GALNT2: variants seen among roughly 807,000 people sequenced by gnomAD.
The protein encoded by GALNT2 is polypeptide N-acetylgalactosaminyltransferase 2.
A neutral mutation model predicts 81.4 loss-of-function variants in GALNT2; 31 were observed. The observed-to-expected ratio is 0.38, with a 90% CI of 0.29 to 0.51. The LOEUF is 0.51. Among genes scored for constraint, GALNT2 ranks in the 20% least tolerant of loss-of-function variants. The pLI is 0.87. For synonymous variants in GALNT2, 303 were observed against 287.4 expected, an observed-to-expected ratio of 1.05 and a Z score of -0.55; for missense variants, 629 against 765.7, an observed-to-expected ratio of 0.82 and a Z score of 2.11.
intron 3 of GALNT2, among the ~76,000 whole-genome samples, chr1:230,215,128 C>T (rs1425351261): frequency 1.3e-5 from 2 of 152,136 alleles, no homozygotes; most frequent in Non-Finnish European, 2.9e-5. Flanking sequence ...GGTGAGTTTC[C>T]AGTTCTCTTT....
intron 1 of GALNT2, among the ~76,000 whole-genome samples, chr1:230,109,687 G>A (rs1660646247): frequency 6.6e-6 from 1 of 152,202 alleles, no homozygotes; most frequent in Admixed American, 6.5e-5. Flanking sequence ...AATTAGCTGG[G>A]CGTGGTGGCA....
chr1:230,072,091 T>C (rs1659393861), intron 1 of GALNT2, among the ~76,000 whole-genome samples: 1 of 151,896 alleles, frequency 6.6e-6, no homozygotes, highest in Non-Finnish European at 1.5e-5. Flanking sequence ...CCCTAGCTCC[T>C]GTTTGGATGA....
intron 14 of GALNT2, among the ~76,000 whole-genome samples, chr1:230,265,737 T>G (rs1165885516): frequency 1.3e-5 from 2 of 152,220 alleles, no homozygotes; most frequent in African/African-American, 2.4e-5. Context: ...ATATGATGTC[T>G]ACACCTCCTG....
intron 14 of GALNT2, chr1:230,268,556 C>G (rs1342549050): frequency 6.6e-6 from 1 of 152,260 alleles, no homozygotes; most frequent in Non-Finnish European, 1.5e-5. Flanking sequence ...CAGGCCCCGG[C>G]CGAGAGAGTT....
chr1:230,066,745 C>T (rs1040718971), upstream of GALNT2, among the ~76,000 whole-genome samples: 2 of 152,226 alleles, frequency 1.3e-5, no homozygotes, highest in African/African-American at 4.8e-5. Context: ...GGGCAGGAAG[C>T]ACCGAGGCCA....
intron 1 of GALNT2, among the ~76,000 whole-genome samples, chr1:230,058,610 C>A (rs370062103): frequency 6.6e-6 from 1 of 152,108 alleles, no homozygotes; most frequent in Non-Finnish European, 1.5e-5. Flanking sequence ...AGGACTGTTG[C>A]GAAGATTTAA....
chr1:230,248,045 C>A (rs1275094008), intron 8 of GALNT2, among the ~76,000 whole-genome samples: 1 of 152,136 alleles, frequency 6.6e-6, no homozygotes, highest in Non-Finnish European at 1.5e-5. Flanking sequence ...ATTTCTGTCC[C>A]CACTGCCTGG....
chr1:230,152,071 T>G (rs1256062215), intron 1 of GALNT2, among the ~76,000 whole-genome samples: 1 of 152,208 alleles, frequency 6.6e-6, no homozygotes, highest in Admixed American at 6.5e-5. Context: ...GTAGCCTGTC[T>G]TATCAGCAAG....
In GALNT2 at chr1:230,280,785, C is replaced by G. The variant is rs1457897708; in HGVS notation, c.*1327C>G. The G allele has an allele frequency of 2.0e-5, 3 of 152,366 alleles. No individual in the cohort carries two copies. Among genetic ancestry groups the G allele is most frequent in the African/African-American group, 7.2e-5 (3 of 41,466 alleles). The allele number at this position is 152,366 out of a possible 1,614,324, so 9.4% of individuals were successfully genotyped here. A position where few individuals can be genotyped will look rare whatever the true frequency, so the allele number is the denominator to read the frequency against. On this transcript the variant is annotated 3_prime_UTR_variant, in exon 16 of 16. Coordinates refer to ENST00000366672, the MANE Select transcript of GALNT2 (RefSeq NM_004481.5). ...GGAAAGAATTAGGAAGGGTCAGAAC[C>G]AAACAATACCTGCTCATTTACACTG... is the stretch of plus-strand genomic sequence containing the variant.
At chr1:230,090,370 T>G (rs903301363) in intron 1 of GALNT2, among the ~76,000 whole-genome samples, 4 of 151,596 alleles carry the variant, frequency 2.6e-5, no homozygotes, top group Non-Finnish European at 4.4e-5. Context: ...TGAAGTGGGG[T>G]GGGTGGGTGA....
chr1:230,151,577 CT>C (rs1662095308), intron 1 of GALNT2, among the ~76,000 whole-genome samples: 1 of 152,178 alleles, frequency 6.6e-6, no homozygotes, highest in Non-Finnish European at 1.5e-5. Context: ...ACAGCAGTGC[CT>C]TCTTCTGTAG....
chr1:230,201,044 A>G (rs887970741), intron 2 of GALNT2, among the ~76,000 whole-genome samples: 5 of 152,212 alleles, frequency 3.3e-5, no homozygotes, highest in Admixed American at 2.0e-4. Flanking sequence ...GAGCGCAGGT[A>G]GGTGTTATTT....
intron 3 of GALNT2, among the ~76,000 whole-genome samples, chr1:230,214,921 T>C (rs1664341404): frequency 1.3e-5 from 2 of 152,252 alleles, no homozygotes. Flanking sequence ...AATCCACTGC[T>C]GAATTCTTCA....
chr1:230,252,505 C>T (rs1013947278), intron 10 of GALNT2, among the ~76,000 whole-genome samples: 3 of 152,186 alleles, frequency 2.0e-5, no homozygotes, highest in African/African-American at 7.2e-5. Context: ...AGGGAATCAT[C>T]TGTTTGTGCT....
intron 15 of GALNT2, among the ~76,000 whole-genome samples, chr1:230,278,302 G>A (rs894890625): frequency 6.6e-6 from 1 of 151,820 alleles, no homozygotes; most frequent in Admixed American, 6.6e-5. Flanking sequence ...TAAAAAAAAT[G>A]TTTGTAGAGA....
chr1:230,094,653 A>G (rs1660192226), intron 1 of GALNT2, among the ~76,000 whole-genome samples: 1 of 152,128 alleles, frequency 6.6e-6, no homozygotes, highest in Non-Finnish European at 1.5e-5. Context: ...AAAAACAAAA[A>G]CACCATATGC....
At chr1:230,236,213 C>G in intron 4 of GALNT2, 101 bp downstream of exon 4, 1 of 1,343,866 alleles carries the variant, frequency 7.4e-7, no homozygotes, top group Non-Finnish European at 1.1e-6. Context: ...CAGACAGGGT[C>G]TCCTGACTGC....
chr1:230,273,085 C>G lies in GALNT2; in HGVS notation c.1441-1360C>G, dbSNP rs138340123. ...CCACCACACCGGGCTGCATCTTCACCTTTTAATGTTTTTCTAATGACGGAC... is the reference window on the plus strand; with the variant it reads ...CCACCACACCGGGCTGCATCTTCACGTTTTAATGTTTTTCTAATGACGGAC... On this transcript the variant is annotated intron_variant, in intron 14 of 15. Transcript: ENST00000366672. Among the ~76,000 whole-genome samples, 1,196 of 152,220 alleles carry G rather than the reference C, an allele frequency of 7.9e-3. 11 individuals carry two copies. Among genetic ancestry groups the G allele is most frequent in the Non-Finnish European group, 0.013 (879 of 67,996 alleles).
intron 1 of GALNT2, among the ~76,000 whole-genome samples, chr1:230,126,499 C>T (rs967884204): frequency 3.3e-5 from 5 of 151,912 alleles, no homozygotes; most frequent in Admixed American, 1.3e-4. Context: ...TAACGGATGC[C>T]GATGCCTCGA....
Sources: gnomAD v4.1 joint callset for allele counts (sites outside exome capture counted in the v4.1 genomes callset) on GRCh38, gnomAD v4.1.1 for gene constraint, MANE v1.5 for transcripts, NCBI Gene and HGNC (gene_info 2026-07-23, HGNC 2026-07-21) for gene names.